Variants in LAMA1 observed in about 807,000 individuals in gnomAD.
The protein encoded by LAMA1 is laminin subunit alpha 1, also known as laminin subunit alpha-1.
Under a neutral mutation model 348.7 loss-of-function variants are expected in LAMA1, and 219 were observed. The observed-to-expected ratio is 0.63, with a 90% CI of 0.56 to 0.70. The LOEUF is 0.70. Ranked by LOEUF, LAMA1 falls within the 30% of genes least tolerant of loss-of-function variation. The pLI is 0.00. For missense variants in LAMA1, 3,744 were observed against 3,888.0 expected (o/e 0.96, Z 0.99); for synonymous variants, 1,487 against 1,491.0 (o/e 1.00, Z 0.06).
chr18:6,997,910 G>C (rs2057790244), intron 32 of LAMA1, 26 bp from the exon 33 acceptor site: 3 of 1,611,812 alleles, frequency 1.9e-6, no homozygotes. Flanking sequence ...TTAAAAAGGA[G>C]AGTTAAAGTT....
In LAMA1 at chr18:6,955,501, C is replaced by G. The variant is rs201345823; in HGVS notation, c.8095-36G>C. On this transcript the variant is annotated intron_variant, in intron 56 of 62. Transcript: ENST00000389658. ...CACACAGGGACACTCAGCCGCCACC[C>G]GCAGCCCGAACCCCACTGACACACG... The G allele has an allele frequency of 3.3e-6, 5 of 1,528,234 alleles. No individual in the cohort carries two copies. In the Admixed American group the frequency reaches 8.4e-5, roughly 26 times the overall value. 94.7% of individuals were successfully genotyped at this position (1,528,234 alleles called of 1,614,324 possible).
At position 6,964,794 on chromosome 18, in the gene LAMA1, G is replaced by T; in HGVS notation, c.7205C>A (p.Ala2402Glu). The part of the protein sequence containing the change: ...FQRNRKQGVL[A>E]VIDAYNTSNK... ...ACTGGTGTTATAGGCATCGATAACT[G>T]CTAGCACTCCTAAAAGGAGAGCACA... The change falls in exon 51 of 63, where the codon GCA becomes GAA. Residue 2402 changes from alanine (A) to glutamate (E), a missense_variant. Physicochemically the swap from Ala to Glu is moderately radical, Grantham distance 107 (BLOSUM62 -1). This residue lies in a region of LAMA1 where 1,983 missense variants were observed against 1,934.3 expected (regional missense o/e 1.03). Transcript: ENST00000389658. 2.5e-6 allele frequency: 4 copies of T among 1,614,080 alleles called. No homozygotes were observed. The highest frequency in any genetic ancestry group is 3.4e-6 in the Non-Finnish European group (4 of 1,180,018).
intron 30 of LAMA1, among the ~76,000 whole-genome samples, chr18:7,001,604 C>A (rs1438710090): frequency 6.6e-6 from 1 of 152,154 alleles, no homozygotes; most frequent in Non-Finnish European, 1.5e-5. Flanking sequence ...AGGAATACTT[C>A]ATTGCAGTAT....
At chr18:7,081,648 T>C (rs1401696587) in intron 1 of LAMA1, among the ~76,000 whole-genome samples, 2 of 152,214 alleles carry the variant, frequency 1.3e-5, no homozygotes, top group Non-Finnish European at 2.9e-5. Context: ...TTCGGTTCTT[T>C]GGAGATTTAA....
chr18:6,997,986 C>T (rs2057790678), intron 32 of LAMA1, 102 bp from the exon 33 acceptor site: 9 of 1,009,950 alleles, frequency 8.9e-6, no homozygotes, highest in African/African-American at 3.2e-5. Flanking sequence ...ATGACACATG[C>T]GGTCAGAGTA....
chr18:7,072,523 T>C (rs1438430377), intron 3 of LAMA1, among the ~76,000 whole-genome samples: 1 of 152,174 alleles, frequency 6.6e-6, no homozygotes, highest in Non-Finnish European at 1.5e-5. Flanking sequence ...CCTGATGCAG[T>C]CTCTCGGCTG....
chr18:7,036,090 T>C lies in LAMA1; in HGVS notation c.1738-2A>G. 1.2e-6 allele frequency: 2 copies of C among 1,610,336 alleles called. No homozygotes were observed. The highest frequency in any genetic ancestry group is 1.7e-6 in the Non-Finnish European group (2 of 1,176,478). ...CAGGAATCCGCCAAACGCAGTCAGCTGAAATGTTTAAGCGAGAATGAACAC... is the reference window on the plus strand; with the variant it reads ...CAGGAATCCGCCAAACGCAGTCAGCCGAAATGTTTAAGCGAGAATGAACAC... On this transcript the variant is annotated splice_acceptor_variant, in intron 12 of 62. Transcript: ENST00000389658. LOFTEE classifies it high-confidence loss of function.
chr18:7,105,121 T>C (rs2058306632), intron 1 of LAMA1, among the ~76,000 whole-genome samples: 1 of 152,052 alleles, frequency 6.6e-6, no homozygotes. Flanking sequence ...GAAAAGCAAG[T>C]GCATAATGAA....
intron 48 of LAMA1, among the ~76,000 whole-genome samples, chr18:6,969,140 G>A (rs954647715): frequency 6.6e-6 from 1 of 151,990 alleles, no homozygotes; most frequent in Non-Finnish European, 1.5e-5. Flanking sequence ...AACTCCAGAT[G>A]CACTTTTTTT....
At chr18:6,966,626 C>T (rs1304400033) in intron 48 of LAMA1, among the ~76,000 whole-genome samples, 1 of 152,158 alleles carries the variant, frequency 6.6e-6, no homozygotes, top group East Asian at 1.9e-4. Flanking sequence ...TAACTGTCCT[C>T]TCTTAACTCT....
chr18:6,988,522 G>A (rs187053338), intron 36 of LAMA1, among the ~76,000 whole-genome samples: 115 of 152,274 alleles, frequency 7.6e-4, no homozygotes, highest in African/African-American at 2.6e-3. Context: ...ATCTTTGGTC[G>A]GGCGCAGTGG....
intron 1 of LAMA1, among the ~76,000 whole-genome samples, chr18:7,093,364 C>T (rs2058247584): frequency 6.6e-6 from 1 of 151,940 alleles, no homozygotes; most frequent in Admixed American, 6.6e-5. Context: ...TGCAGTGATC[C>T]AAGATCGCGC....
At chr18:7,044,225 C>T (rs1214538987) in intron 7 of LAMA1, among the ~76,000 whole-genome samples, 3 of 149,042 alleles carry the variant, frequency 2.0e-5, no homozygotes, top group East Asian at 2.0e-4. Context: ...TTGTCTTCTG[C>T]GTAAGAACTG....
In LAMA1 at chr18:7,042,145, C is replaced by G; in HGVS notation, c.1261G>C (p.Gly421Arg). Residue 421 changes from glycine (G) to arginine (R), a missense_variant and splice_region_variant, in exon 9 of 63, where the codon GGG becomes CGG. This residue lies in a region of LAMA1 where 1,529 missense variants were observed against 1,689.4 expected (regional missense o/e 0.91). Transcript: ENST00000389658. ...KDDLHSDLHNGKQPGQCPCKE... is the reference protein window; with the variant it reads ...KDDLHSDLHNRKQPGQCPCKE... ...GCACAAAAGTGAATCAAGTACTTAC[C>G]ATTGTGTAAGTCAGAATGGAGGTCA... 1 of 1,589,510 alleles carries G rather than the reference C, an allele frequency of 6.3e-7. No homozygotes were observed. The highest frequency in any genetic ancestry group is 1.3e-5 in the African/African-American group (1 of 74,540).
rs2057628226 is a variant in LAMA1 at position 6,965,346 on chromosome 18, G to A, written c.7137C>T (p.Asp2379=). 6.2e-7 allele frequency: 1 copy of A among 1,614,210 alleles called. No individual in the cohort carries two copies. The highest frequency in any genetic ancestry group is 8.5e-7 in the Non-Finnish European group (1 of 1,180,028). The change falls in exon 50 of 63, where the codon GAC becomes GAT. Residue 2379 remains aspartate (D), a synonymous_variant. Coordinates refer to ENST00000389658, the MANE Select transcript of LAMA1 (RefSeq NM_005559.4). ...ACCAGGTTCCATTGTTATAACGTCT[G>A]TCTGTCAAAAGGGTAATGGGTCCTG... is the stretch of plus-strand genomic sequence containing the variant. ...LGSGPITLLT[D]RRYNNGTWYK...
intron 19 of LAMA1, among the ~76,000 whole-genome samples, chr18:7,018,520 C>G (rs1367212073): frequency 2.0e-5 from 3 of 150,540 alleles, no homozygotes; most frequent in African/African-American, 7.3e-5. Context: ...CTCAGCCTCC[C>G]GAGTAGCTGG....
intron 1 of LAMA1, among the ~76,000 whole-genome samples, chr18:7,113,576 C>T (rs1470579483): frequency 2.0e-5 from 3 of 152,110 alleles, no homozygotes; most frequent in East Asian, 3.9e-4. Flanking sequence ...GATAAAGAAA[C>T]GGTGAGAAAT....
chr18:7,035,482 G>C (rs1194695945), intron 13 of LAMA1, among the ~76,000 whole-genome samples: 2 of 151,828 alleles, frequency 1.3e-5, no homozygotes, highest in Non-Finnish European at 2.9e-5. Context: ...GAGTGCAGTG[G>C]TGCAATCACA....
At chr18:7,053,601 C>T (rs1331672900) in intron 3 of LAMA1, among the ~76,000 whole-genome samples, 2 of 152,036 alleles carry the variant, frequency 1.3e-5, no homozygotes, top group Admixed American at 6.6e-5. Context: ...CGGGAGGAAA[C>T]TAGCCAGACA....
Sources: gnomAD v4.1 joint callset for allele counts (sites outside exome capture counted in the v4.1 genomes callset) on GRCh38, gnomAD v4.1.1 for gene constraint, gnomAD v4.1.1 regional missense constraint, MANE v1.5 for transcripts, NCBI Gene and HGNC (gene_info 2026-07-23, HGNC 2026-07-21) for gene names.